MMP15: variants seen among roughly 807,000 people sequenced by gnomAD.
MMP15 encodes the protein matrix metallopeptidase 15.
A neutral mutation model predicts 65.0 loss-of-function variants in MMP15; 36 were observed. That is an observed-to-expected ratio of 0.55 (90% confidence interval 0.42 to 0.73). MMP15 has a LOEUF of 0.73. Among genes scored for constraint, MMP15 ranks in the 30% least tolerant of loss-of-function variants. MMP15 has a pLI of 0.00. For synonymous variants in MMP15, 428 were observed against 410.2 expected, an observed-to-expected ratio of 1.04 and a Z score of -0.52; for missense variants, 870 against 987.8, an observed-to-expected ratio of 0.88 and a Z score of 1.60.
intron 9 of MMP15, 67 bp downstream of exon 9, chr16:58,043,694 G>T: frequency 1.6e-6 from 2 of 1,229,308 alleles, no homozygotes; most frequent in Non-Finnish European, 2.3e-6. Flanking sequence ...CCACAGGGCA[G>T]GGCTTGCCCA....
chr16:58,035,509 G>A (rs550146073), intron 1 of MMP15, among the ~76,000 whole-genome samples: 3 of 152,338 alleles, frequency 2.0e-5, no homozygotes, highest in South Asian at 2.1e-4. Flanking sequence ...TCATTTGCAC[G>A]TTTGTCGAGC....
chr16:58,035,839 C>G (rs1288143018), intron 1 of MMP15, among the ~76,000 whole-genome samples: 2 of 152,184 alleles, frequency 1.3e-5, no homozygotes, highest in African/African-American at 4.8e-5. Context: ...GCTGCCCCTC[C>G]TTGGGTCAGC....
intron 6 of MMP15, 76 bp from the exon 7 acceptor site, chr16:58,042,155 G>T (rs771119989): frequency 2.6e-6 from 4 of 1,539,250 alleles, no homozygotes; most frequent in African/African-American, 1.4e-5. Context: ...ACCTGGGAAG[G>T]GGTGGTTTGA....
At chr16:58,043,684 C>A in intron 9 of MMP15, 57 bp downstream of exon 9, 1 of 1,307,790 alleles carries the variant, frequency 7.6e-7, no homozygotes, top group Non-Finnish European at 1.1e-6. Flanking sequence ...GCTACACACA[C>A]CACAGGGCAG....
intron 1 of MMP15, among the ~76,000 whole-genome samples, chr16:58,036,883 G>T (rs972333720): frequency 3.3e-5 from 5 of 152,234 alleles, no homozygotes; most frequent in African/African-American, 9.6e-5. Flanking sequence ...GTCCTAATGG[G>T]GGAAGACAAA....
At chr16:58,035,588 G>C (rs1959315209) in intron 1 of MMP15, among the ~76,000 whole-genome samples, 5 of 152,228 alleles carry the variant, frequency 3.3e-5, no homozygotes, top group Admixed American at 3.3e-4. Flanking sequence ...CAGGAACCCA[G>C]GAGATGAGGC....
At chr16:58,033,629 C>T (rs558076517) in intron 1 of MMP15, among the ~76,000 whole-genome samples, 3 of 152,314 alleles carry the variant, frequency 2.0e-5, no homozygotes, top group South Asian at 2.1e-4. Flanking sequence ...ATTGGCCAGG[C>T]GTGGTGGCTC....
chr16:58,043,116 AGT>A (rs1462376366), intron 7 of MMP15, 92 bp from the exon 8 acceptor site: 1 of 1,181,520 alleles, frequency 8.5e-7, no homozygotes, highest in Non-Finnish European at 1.2e-6. Context: ...GAGGGGTGTG[AGT>A]GTGATTTTGT....
At chr16:58,038,658 C>A (rs1196453669) in intron 3 of MMP15, among the ~76,000 whole-genome samples, 3 of 152,240 alleles carry the variant, frequency 2.0e-5, no homozygotes, top group African/African-American at 7.2e-5. Flanking sequence ...TGCCCCAGCA[C>A]AGACTGCAGC....
At position 58,025,780 on chromosome 16, in the gene MMP15, G is replaced by C. The variant is rs929741193; in HGVS notation, c.-571G>C. The C allele has an allele frequency of 6.6e-6, 1 of 151,950 alleles. No homozygotes were observed. The highest frequency in any genetic ancestry group is 1.5e-5 in the Non-Finnish European group (1 of 67,962). The allele number at this position is 151,950 out of a possible 1,614,324, so 9.4% of individuals were successfully genotyped here. A position where few individuals can be genotyped will look rare whatever the true frequency, so the allele number is the denominator to read the frequency against. Reference sequence around the variant, plus strand: ...AGGAGGGCTGGGAGCGCCCGGAGCCGCGCTGAACTCGCCGGGGACGTCGGG... The same window carrying C: ...AGGAGGGCTGGGAGCGCCCGGAGCCCCGCTGAACTCGCCGGGGACGTCGGG... On this transcript the variant is annotated 5_prime_UTR_variant, in exon 1 of 10. Coordinates refer to ENST00000219271, the MANE Select transcript of MMP15 (RefSeq NM_002428.4).
chr16:58,035,662 C>T (rs1279104517), intron 1 of MMP15, among the ~76,000 whole-genome samples: 1 of 152,188 alleles, frequency 6.6e-6, no homozygotes, highest in Non-Finnish European at 1.5e-5. Flanking sequence ...AGTGACACCT[C>T]GGAAATAGCC....
intron 4 of MMP15, 114 bp from the exon 5 acceptor site, chr16:58,040,423 C>T: frequency 7.4e-7 from 1 of 1,343,938 alleles, no homozygotes; most frequent in Non-Finnish European, 1.0e-6. Flanking sequence ...TCAGCCTCTT[C>T]CAAGAGGGAA....
Position 58,025,804 on chromosome 16 carries a change from G to A in MMP15, c.-547G>A, listed in dbSNP as rs1963802436. 6.6e-6 allele frequency: 1 copy of A among 151,866 alleles called. No homozygotes were observed. Among genetic ancestry groups the A allele is most frequent in the African/African-American group, 2.4e-5 (1 of 41,354 alleles). 9.4% of individuals were successfully genotyped at this position (151,866 alleles called of 1,614,324 possible). Reference sequence around the variant, plus strand: ...CGCGCTGAACTCGCCGGGGACGTCGGGCGCCCGCTCCTTGGCTGGCTCGCT... The same window carrying A: ...CGCGCTGAACTCGCCGGGGACGTCGAGCGCCCGCTCCTTGGCTGGCTCGCT... On this transcript the variant is annotated 5_prime_UTR_variant, in exon 1 of 10. Coordinates refer to ENST00000219271, the MANE Select transcript of MMP15 (RefSeq NM_002428.4).
rs1963810719 is a variant in MMP15 at position 58,026,176 on chromosome 16, GCTT to G, written c.-172_-170del. 7.3e-5 allele frequency: 46 copies of G among 630,942 alleles called. 2 individuals are homozygous for G. In the Admixed American group the frequency reaches 1.9e-3, roughly 27 times the overall value. 39.1% of individuals were successfully genotyped at this position (630,942 alleles called of 1,614,324 possible). On this transcript the variant is annotated 5_prime_UTR_variant, in exon 1 of 10. Coordinates refer to ENST00000219271, the MANE Select transcript of MMP15 (RefSeq NM_002428.4). ...CCGAGCTCCCGGACCTGCCCTGCCC[GCTT>G]CTCCTCGGGCTTGGGAATTTGCCGA...
At chr16:58,043,161 C>T in intron 7 of MMP15, 49 bp from the exon 8 acceptor site, 1 of 1,489,322 alleles carries the variant, frequency 6.7e-7, no homozygotes, top group Non-Finnish European at 9.0e-7. Context: ...CCCGCACACA[C>T]CCCTCAGCCC....
chr16:58,044,125 G>C (rs546943877), intron 9 of MMP15, among the ~76,000 whole-genome samples: 1 of 152,306 alleles, frequency 6.6e-6, no homozygotes, highest in Admixed American at 6.5e-5. Context: ...TGCCTCTTCT[G>C]TTTCTCTAGC....
chr16:58,043,973 C>T (rs564797130), intron 9 of MMP15, among the ~76,000 whole-genome samples: 25 of 152,330 alleles, frequency 1.6e-4, no homozygotes, highest in African/African-American at 6.0e-4. Context: ...CAGCCACCCC[C>T]AGGCAATCCC....
chr16:58,031,763 G>C (rs1325418855), intron 1 of MMP15, among the ~76,000 whole-genome samples: 1 of 150,128 alleles, frequency 6.7e-6, no homozygotes, highest in African/African-American at 2.5e-5. Flanking sequence ...CCCAGACTAA[G>C]CATGTGTGTC....
chr16:58,045,135 C>A lies in MMP15; in HGVS notation c.1699C>A (p.Pro567Thr). The A allele has an allele frequency of 6.2e-7, 1 of 1,603,378 alleles. No individual in the cohort carries two copies. Among genetic ancestry groups the A allele is most frequent in the Non-Finnish European group, 8.5e-7 (1 of 1,175,246 alleles). The change falls in exon 10 of 10, where the codon CCC becomes ACC. Residue 567 changes from proline (P) to threonine (T), a missense_variant. Coordinates refer to ENST00000219271, the MANE Select transcript of MMP15 (RefSeq NM_002428.4). The stretch of plus-strand genomic sequence containing the variant: ...CTGCCAGGAGCACGTGGAGCCAGGC[C>A]CCCGATGGCCCGACGTGGCCCGGCC... The part of the protein sequence containing the change: ...MGCQEHVEPG[P>T]RWPDVARPPF...
Sources: gnomAD v4.1 joint callset for allele counts (sites outside exome capture counted in the v4.1 genomes callset) on GRCh38, gnomAD v4.1.1 for gene constraint, MANE v1.5 for transcripts, NCBI Gene and HGNC (gene_info 2026-07-23, HGNC 2026-07-21) for gene names.